Variants in RAB6B observed in about 807,000 individuals in gnomAD.
The protein encoded by RAB6B is ras-related protein Rab-6B.
A neutral mutation model predicts 31.2 loss-of-function variants in RAB6B; 7 were observed. The observed-to-expected ratio is 0.22, with a 90% CI of 0.13 to 0.42. RAB6B has a LOEUF of 0.42. Among genes scored for constraint, RAB6B ranks in the 10% least tolerant of loss-of-function variants. The pLI is 1.00. For synonymous variants in RAB6B, 105 were observed against 104.9 expected (o/e 1.00, Z -0.01); for missense variants, 149 against 280.6 (o/e 0.53, Z 3.35).
intron 1 of RAB6B, chr3:133,885,807 C>CAAGAAA: frequency 1.7e-6 from 1 of 589,286 alleles, no homozygotes; most frequent in Non-Finnish European, 3.0e-6. Context: ...GAGAAAGAAT[C>CAAGAAA]AAGAAAATAT....
intron 1 of RAB6B, among the ~76,000 whole-genome samples, chr3:133,868,876 G>A (rs561161087): frequency 2.6e-5 from 4 of 152,166 alleles, no homozygotes; most frequent in Non-Finnish European, 4.4e-5. Flanking sequence ...TCCTCATCAC[G>A]ATCCAATGAG....
intron 4 of RAB6B, among the ~76,000 whole-genome samples, chr3:133,841,083 T>TG (rs1429565115): frequency 6.6e-6 from 1 of 151,910 alleles, no homozygotes; most frequent in Non-Finnish European, 1.5e-5. Context: ...TGCAGGAGGG[T>TG]GGGGAGCAGT....
chr3:133,842,990 TC>T (rs905855660), intron 2 of RAB6B, among the ~76,000 whole-genome samples: 2 of 152,168 alleles, frequency 1.3e-5, no homozygotes, highest in Admixed American at 1.3e-4. Flanking sequence ...ATATCTCCAG[TC>T]CCCCCAGGCT....
chr3:133,881,833 G>C (rs1936470387), intron 1 of RAB6B, among the ~76,000 whole-genome samples: 1 of 152,184 alleles, frequency 6.6e-6, no homozygotes, highest in Non-Finnish European at 1.5e-5. Flanking sequence ...TGTAAAATGA[G>C]GCCATCTCAG....
At chr3:133,845,004 C>T (rs867614551) in intron 2 of RAB6B, among the ~76,000 whole-genome samples, 1 of 151,544 alleles carries the variant, frequency 6.6e-6, no homozygotes, top group Non-Finnish European at 1.5e-5. Flanking sequence ...GAAAACTAGG[C>T]AGATTCTACA....
At position 133,828,820 on chromosome 3, in the gene RAB6B, G is replaced by T. The variant is rs748045973; in HGVS notation, c.595C>A (p.Pro199Thr). 4 of 1,613,250 alleles carry T rather than the reference G, an allele frequency of 2.5e-6. No homozygotes were observed. In the South Asian group the frequency reaches 4.4e-5, roughly 18 times the overall value. ...GAGCAGCCGCCCTCGCTGGCCGGGG[G>T]CTCCTGGGGTTTGTCCAGCTTGATG... The part of the protein sequence containing the change: ...IDIKLDKPQE[P>T]PASEGGCSC The change falls in exon 8 of 8, where the codon CCC (proline) becomes ACC (threonine). Residue 199 changes from proline (P) to threonine (T), a missense_variant. Transcript: ENST00000285208.
intron 2 of RAB6B, among the ~76,000 whole-genome samples, chr3:133,844,435 G>C (rs72976351): frequency 1.3e-5 from 2 of 152,308 alleles, no homozygotes; most frequent in African/African-American, 2.4e-5. Flanking sequence ...AGCCACTGAA[G>C]AACTTCTATA....
chr3:133,879,594 T>C (rs1038793459), intron 1 of RAB6B, among the ~76,000 whole-genome samples: 8 of 152,232 alleles, frequency 5.3e-5, no homozygotes, highest in African/African-American at 9.6e-5. Flanking sequence ...GGCCCTGGTA[T>C]GGTAGGAACT....
chr3:133,832,165 G>A (rs1289437449), intron 7 of RAB6B, among the ~76,000 whole-genome samples: 1 of 152,116 alleles, frequency 6.6e-6, no homozygotes, highest in Non-Finnish European at 1.5e-5. Flanking sequence ...AACAGTCTGG[G>A]GCCCATGTGA....
chr3:133,851,855 T>C (rs1349252485), intron 2 of RAB6B, among the ~76,000 whole-genome samples: 1 of 152,172 alleles, frequency 6.6e-6, no homozygotes, highest in African/African-American at 2.4e-5. Flanking sequence ...AAGACGACCT[T>C]CATGGGCTGA....
rs544035636 is a variant in RAB6B at position 133,838,277 on chromosome 3, G to C, written c.402-18C>G. On this transcript the variant is annotated intron_variant, in intron 5 of 7. Transcript: ENST00000285208. ...TTATCTGCCTAGAGATGAGGGGAAG[G>C]GGGGAAATCAGCTCAGCAGAGAAGC... 2.0e-5 allele frequency: 32 copies of C among 1,607,196 alleles called. 1 individual carries two copies. In the South Asian group the frequency reaches 3.1e-4, roughly 15 times the overall value.
intron 2 of RAB6B, among the ~76,000 whole-genome samples, chr3:133,857,414 T>A (rs544678450): frequency 4.0e-4 from 52 of 130,864 alleles, no homozygotes; most frequent in Non-Finnish European, 6.2e-4. Context: ...AACCTAGGCC[T>A]CTTTTTGAAG....
intron 1 of RAB6B, among the ~76,000 whole-genome samples, chr3:133,893,988 G>A (rs1936671853): frequency 6.6e-6 from 1 of 152,240 alleles, no homozygotes; most frequent in South Asian, 2.1e-4. Context: ...CTCCATACTG[G>A]GCCTGGACAC....
chr3:133,830,585 C>T (rs1935641821), intron 7 of RAB6B, among the ~76,000 whole-genome samples: 1 of 152,182 alleles, frequency 6.6e-6, no homozygotes, highest in Admixed American at 6.5e-5. Flanking sequence ...GTAAAAATGT[C>T]CTCATTCCTT....
rs773504889 is a variant in RAB6B, at chr3:133,841,313, C to G, written c.261G>C (p.Thr87=). 6.2e-7 allele frequency: 1 copy of G among 1,614,178 alleles called. No homozygotes were observed. Among genetic ancestry groups the G allele is most frequent in the Non-Finnish European group, 8.5e-7 (1 of 1,180,018 alleles). ...TGATGTCGTACACCACCACAGCCAC[C>G]GTGGAGTCCCGGATGTAGCTGGGGA... ...SLIPSYIRDS[T]VAVVVYDITN... Residue 87 remains threonine (T), a synonymous_variant, in exon 4 of 8, where the codon ACG becomes ACC. Coordinates refer to ENST00000285208, the MANE Select transcript of RAB6B (RefSeq NM_016577.4).
chr3:133,842,738 G>A (rs1935853801), intron 2 of RAB6B, among the ~76,000 whole-genome samples: 1 of 152,230 alleles, frequency 6.6e-6, no homozygotes, highest in African/African-American at 2.4e-5. Flanking sequence ...ACACTGAAGT[G>A]AAGGGAATCT....
intron 1 of RAB6B, chr3:133,894,616 C>G (rs898545071): frequency 3.9e-5 from 6 of 152,256 alleles, no homozygotes; most frequent in African/African-American, 1.4e-4. Context: ...CCAGACTTCA[C>G]AGCCTCTCGG....
At chr3:133,839,379 G>C (rs1045221186) in intron 5 of RAB6B, 127 bp downstream of exon 5, 4 of 787,552 alleles carry the variant, frequency 5.1e-6, no homozygotes, top group Admixed American at 2.0e-5. Flanking sequence ...AGTGTCTCAA[G>C]GGACCTTTTC....
chr3:133,830,933 T>A (rs1262126675), intron 7 of RAB6B, among the ~76,000 whole-genome samples: 2 of 152,172 alleles, frequency 1.3e-5, no homozygotes, highest in Non-Finnish European at 2.9e-5. Context: ...CCCCAATTTA[T>A]GGTGAGCCAA....
Sources: gnomAD v4.1 joint callset for allele counts (sites outside exome capture counted in the v4.1 genomes callset) on GRCh38, gnomAD v4.1.1 for gene constraint, MANE v1.5 for transcripts, NCBI Gene and HGNC (gene_info 2026-07-23, HGNC 2026-07-21) for gene names.